GRID2: variants seen among roughly 807,000 people sequenced by gnomAD.
GRID2 encodes glutamate receptor ionotropic, delta-2.
A neutral mutation model predicts 114.8 loss-of-function variants in GRID2; 33 were observed. The observed-to-expected ratio is 0.29, with a 90% CI of 0.22 to 0.38. The LOEUF (loss-of-function observed/expected upper bound fraction) is 0.38. GRID2 is among the 10% of genes least tolerant of loss of function. The pLI, the probability that GRID2 is intolerant of heterozygous loss-of-function variation, is 1.00. For missense variants in GRID2, 1,184 were observed against 1,257.7 expected (o/e 0.94, Z 0.89); for synonymous variants, 505 against 449.9 (o/e 1.12, Z -1.55).
intron 1 of GRID2, among the ~76,000 whole-genome samples, chr4:92,568,010 G>C (rs933395484): frequency 6.6e-6 from 1 of 151,964 alleles, no homozygotes; most frequent in Non-Finnish European, 1.5e-5. Flanking sequence ...AAATAAAGCA[G>C]GGATGGCAGA....
intron 2 of GRID2, among the ~76,000 whole-genome samples, chr4:92,996,039 C>T (rs1226104201): frequency 1.3e-5 from 2 of 151,968 alleles, no homozygotes; most frequent in East Asian, 3.9e-4. Context: ...CCTGTAATCC[C>T]AGCACTTTGG....
intron 3 of GRID2, among the ~76,000 whole-genome samples, chr4:93,089,822 C>G (rs1450249283): frequency 6.6e-6 from 1 of 152,100 alleles, no homozygotes; most frequent in Admixed American, 6.6e-5. Flanking sequence ...TATAGAGAGA[C>G]TTTATTACTC....
At chr4:93,025,564 T>C (rs1459940576) in intron 2 of GRID2, among the ~76,000 whole-genome samples, 1 of 151,770 alleles carries the variant, frequency 6.6e-6, no homozygotes, top group Non-Finnish European at 1.5e-5. Context: ...ATGAGAGAAT[T>C]TTTATGTAGA....
chr4:92,395,521 A>C (rs1730450956), intron 1 of GRID2, among the ~76,000 whole-genome samples: 1 of 151,784 alleles, frequency 6.6e-6, no homozygotes, highest in African/African-American at 2.4e-5. Context: ...GAGCACCAAA[A>C]TGTTAAGTAA....
chr4:93,045,807 GT>G (rs1726082063), intron 2 of GRID2, among the ~76,000 whole-genome samples: 1 of 152,012 alleles, frequency 6.6e-6, no homozygotes, highest in African/African-American at 2.4e-5. Context: ...TTTTCCCACT[GT>G]GTGTGTGTTT....
At chr4:92,470,696 C>A (rs1328790876) in intron 1 of GRID2, among the ~76,000 whole-genome samples, 3 of 152,058 alleles carry the variant, frequency 2.0e-5, no homozygotes, top group African/African-American at 7.2e-5. Context: ...TGACTGCAAT[C>A]ATTCAGAATT....
chr4:93,691,314 G>A (rs1726543788), intron 14 of GRID2, among the ~76,000 whole-genome samples: 1 of 151,996 alleles, frequency 6.6e-6, no homozygotes, highest in Non-Finnish European at 1.5e-5. Flanking sequence ...ATAATTATCA[G>A]ATTATTCAAA....
chr4:92,609,731 C>G (rs1729633188), intron 2 of GRID2, among the ~76,000 whole-genome samples: 1 of 151,416 alleles, frequency 6.6e-6, no homozygotes, highest in South Asian at 2.1e-4. Flanking sequence ...TTTGAGAATA[C>G]CTTCTTCAAT....
intron 10 of GRID2, among the ~76,000 whole-genome samples, chr4:93,433,877 A>G (rs2149383239): frequency 6.6e-6 from 1 of 152,226 alleles, no homozygotes; most frequent in East Asian, 1.9e-4. Context: ...CGTCATGTTC[A>G]GTTGTTAAAC....
At chr4:92,815,655 G>A (rs769681670) in intron 2 of GRID2, among the ~76,000 whole-genome samples, 1 of 151,936 alleles carries the variant, frequency 6.6e-6, no homozygotes, top group African/African-American at 2.4e-5. Context: ...GCTCATACCT[G>A]TAATCTCAAT....
chr4:93,631,462 G>A (rs527844301), intron 14 of GRID2, among the ~76,000 whole-genome samples: 66 of 152,096 alleles, frequency 4.3e-4, no homozygotes, highest in Non-Finnish European at 9.0e-4. Flanking sequence ...GAGAACATGC[G>A]GTGTTTGGTT....
chr4:92,314,978 C>A (rs543630701), intron 1 of GRID2, among the ~76,000 whole-genome samples: 1 of 152,116 alleles, frequency 6.6e-6, no homozygotes, highest in African/African-American at 2.4e-5. Flanking sequence ...GGATCTTTTA[C>A]TTATTTGTGC....
At chr4:93,056,174 A>G (rs575555702) in intron 2 of GRID2, among the ~76,000 whole-genome samples, 2 of 152,048 alleles carry the variant, frequency 1.3e-5, no homozygotes, top group East Asian at 3.9e-4. Flanking sequence ...ACCCAAACTG[A>G]AAAGGAAAAG....
At chr4:92,328,637 T>C (rs1461777239) in intron 1 of GRID2, among the ~76,000 whole-genome samples, 1 of 151,732 alleles carries the variant, frequency 6.6e-6, no homozygotes, top group Non-Finnish European at 1.5e-5. Flanking sequence ...TTTTGAAAGG[T>C]AATTTTATGC....
chr4:92,703,617 T>TTATATATATATATATATATATATATA (rs3971001), intron 2 of GRID2, among the ~76,000 whole-genome samples: 3 of 140,998 alleles, frequency 2.1e-5, no homozygotes, highest in African/African-American at 7.9e-5. Flanking sequence ...AGGAAAAACA[T>TTATATATATATATATATATATATATA]TATATATATA....
chr4:93,763,951 C>T (rs936475763), intron 14 of GRID2, among the ~76,000 whole-genome samples: 21 of 152,136 alleles, frequency 1.4e-4, no homozygotes, highest in Admixed American at 6.6e-5. Context: ...TTGAGAGGAA[C>T]TTATTGACAG....
intron 1 of GRID2, among the ~76,000 whole-genome samples, chr4:92,416,735 C>T (rs150472819): frequency 2.6e-5 from 4 of 151,898 alleles, no homozygotes; most frequent in South Asian, 2.1e-4. Context: ...TTTATTTCTG[C>T]GTTCTCCATT....
chr4:93,739,325 A>G (rs530896971), intron 14 of GRID2, among the ~76,000 whole-genome samples: 1 of 152,208 alleles, frequency 6.6e-6, no homozygotes, highest in Non-Finnish European at 1.5e-5. Flanking sequence ...AACTAGGTAC[A>G]ATTTCTTCAA....
chr4:92,676,355 A>AT (rs1733371444), intron 2 of GRID2, among the ~76,000 whole-genome samples: 1 of 150,982 alleles, frequency 6.6e-6, no homozygotes, highest in African/African-American at 2.4e-5. Flanking sequence ...AATTTGTTGT[A>AT]TTTTTTAGTA....
Sources: allele counts gnomAD v4.1 joint callset (sites outside exome capture counted in the v4.1 genomes callset), GRCh38; gene constraint gnomAD v4.1.1; transcripts MANE v1.5; gene names NCBI Gene and HGNC (gene_info 2026-07-23, HGNC 2026-07-21).